The following XKR9 variants were observed in gnomAD, a reference collection of about 807,000 sequenced individuals.
XKR9 encodes XK-related protein 9.
In XKR9, 32 loss-of-function variants were observed where a neutral mutation model predicts 32.0. That is an observed-to-expected ratio of 1.00 (90% CI 0.76 to 1.34). XKR9 has a LOEUF of 1.34. Among genes scored for constraint, XKR9 ranks in the 40% most tolerant of loss-of-function variants. XKR9 has a pLI of 0.00. For missense variants in XKR9, 546 were observed against 429.7 expected, an observed-to-expected ratio of 1.27 and a Z score of -2.39; for synonymous variants, 168 against 143.4, an observed-to-expected ratio of 1.17 and a Z score of -1.22.
chr8:71,011,098 T>A, the XKR9 span, among the ~76,000 whole-genome samples: 2 of 152,212 alleles, frequency 1.3e-5, no homozygotes, highest in African/African-American at 4.8e-5. Context: ...GGAAGGCTGA[T>A]AGGTGGTCTG....
At chr8:70,961,293 C>T in the XKR9 span, among the ~76,000 whole-genome samples, 1 of 152,150 alleles carries the variant, frequency 6.6e-6, no homozygotes, top group African/African-American at 2.4e-5. Context: ...TCTCTAATAC[C>T]ATGGGCCTCT....
chr8:70,781,550 CAAA>C (rs371263868), intron 2 of XKR9, among the ~76,000 whole-genome samples: 2 of 137,074 alleles, frequency 1.5e-5, no homozygotes. Flanking sequence ...ACCCCATCTC[CAAA>C]AAAAAAAAAA....
chr8:70,986,935 G>A, the XKR9 span, among the ~76,000 whole-genome samples: 2 of 152,198 alleles, frequency 1.3e-5, no homozygotes, highest in Non-Finnish European at 2.9e-5. Flanking sequence ...GGAGGAACAA[G>A]TCTTGTCTTA....
the XKR9 span, among the ~76,000 whole-genome samples, chr8:70,905,053 AT>A: frequency 6.6e-6 from 1 of 151,844 alleles, no homozygotes; most frequent in African/African-American, 2.4e-5. Flanking sequence ...TGCCCTTAAC[AT>A]TTTTTCCTTC....
At chr8:70,755,433 C>G (rs1297068288) in intron 2 of XKR9, among the ~76,000 whole-genome samples, 1 of 152,166 alleles carries the variant, frequency 6.6e-6, no homozygotes, top group East Asian at 1.9e-4. Flanking sequence ...GACTATAAAT[C>G]ATGCTGTTAT....
At chr8:70,825,138 T>G in the XKR9 span, among the ~76,000 whole-genome samples, 1 of 152,090 alleles carries the variant, frequency 6.6e-6, no homozygotes, top group Non-Finnish European at 1.5e-5. Flanking sequence ...TTCTAGAAGT[T>G]CACTTTCCTC....
At chr8:70,730,319 A>G (rs1806622044) in intron 4 of XKR9, among the ~76,000 whole-genome samples, 2 of 152,154 alleles carry the variant, frequency 1.3e-5, no homozygotes, top group South Asian at 4.1e-4. Context: ...TTATAAATCT[A>G]TGTAGTTTAA....
At chr8:70,914,988 G>C in the XKR9 span, among the ~76,000 whole-genome samples, 4 of 152,090 alleles carry the variant, frequency 2.6e-5, no homozygotes, top group African/African-American at 9.7e-5. Flanking sequence ...AGGCTCAAAG[G>C]TTGGGTTTTT....
At position 70,734,718 on chromosome 8, in the gene XKR9, C is replaced by T. The variant is rs1156715764; in HGVS notation, c.*294C>T. 4.6e-6 allele frequency: 1 copy of T among 215,284 alleles called. No individual in the cohort carries two copies. Among genetic ancestry groups the T allele is most frequent in the South Asian group, 9.1e-5 (1 of 10,946 alleles). 13.3% of individuals were successfully genotyped at this position (215,284 alleles called of 1,614,324 possible). The stretch of plus-strand genomic sequence containing the variant: ...AGAAGGCTGGAATTGAGCTTCCCTC[C>T]CATTTTCCTTGTTCCTGAACTAATA... On this transcript the variant is annotated 3_prime_UTR_variant, in exon 5 of 5. Transcript: ENST00000408926.
Position 70,749,707 on chromosome 8 carries a change from G to A in XKR9, n.353-39632G>A, listed in dbSNP as rs183404343. On this transcript the variant is annotated intron_variant and non_coding_transcript_variant, in intron 2 of 3. Transcript: ENST00000520273. ...TGAGTTGAGCGCAGCTTGCCAGGCC[G>A]TTTGGGTGGAACGAACCCAGCAGGT... is the stretch of plus-strand genomic sequence containing the variant. Among the ~76,000 whole-genome samples, 7 of 149,660 alleles carry A rather than the reference G, an allele frequency of 4.7e-5. No homozygotes were observed. The South Asian group carries it at 8.5e-4, about 18-fold the overall frequency.
At chr8:70,674,415 G>A (rs1294126399) in intron 1 of XKR9, among the ~76,000 whole-genome samples, 1 of 152,182 alleles carries the variant, frequency 6.6e-6, no homozygotes, top group Admixed American at 6.5e-5. Flanking sequence ...TGGGAATACA[G>A]ACCAACAATC....
the XKR9 span, among the ~76,000 whole-genome samples, chr8:70,869,474 T>C: frequency 6.6e-6 from 1 of 152,148 alleles, no homozygotes; most frequent in Non-Finnish European, 1.5e-5. Flanking sequence ...CTCATGAGAC[T>C]TATTCACTAT....
At chr8:70,749,696 C>A (rs996258604) in intron 2 of XKR9, among the ~76,000 whole-genome samples, 8 of 152,208 alleles carry the variant, frequency 5.3e-5, no homozygotes, top group African/African-American at 1.9e-4. Context: ...TTGAGCGCAG[C>A]TTGCCAGGCC....
At chr8:70,683,689 T>C (rs1819162225) in intron 3 of XKR9, 2 of 356,910 alleles carry the variant, frequency 5.6e-6, no homozygotes, top group Admixed American at 6.9e-5. Flanking sequence ...GGTTTAGTCA[T>C]GTTGGCCAGG....
At chr8:70,855,172 A>T in the XKR9 span, among the ~76,000 whole-genome samples, 1 of 152,112 alleles carries the variant, frequency 6.6e-6, no homozygotes, top group Non-Finnish European at 1.5e-5. Flanking sequence ...AGATGATCAA[A>T]CTACTCCGAG....
At chr8:70,957,831 A>G in the XKR9 span, among the ~76,000 whole-genome samples, 2 of 115,722 alleles carry the variant, frequency 1.7e-5, no homozygotes, top group Admixed American at 2.6e-4. Context: ...ACTCTTGCCC[A>G]GGCTGGAGTG....
At chr8:70,766,245 T>A (rs1182131005) in intron 2 of XKR9, among the ~76,000 whole-genome samples, 1 of 152,228 alleles carries the variant, frequency 6.6e-6, no homozygotes. Flanking sequence ...GAATATGGAA[T>A]GTTCTTCCAC....
chr8:71,060,301 A>C, the XKR9 span, among the ~76,000 whole-genome samples: 2 of 152,204 alleles, frequency 1.3e-5, no homozygotes, highest in Non-Finnish European at 2.9e-5. Context: ...GAATGGAACT[A>C]TCTGACAGAA....
chr8:70,800,945 T>C, the XKR9 span, among the ~76,000 whole-genome samples: 2 of 151,984 alleles, frequency 1.3e-5, no homozygotes, highest in Non-Finnish European at 2.9e-5. Flanking sequence ...AGTTTGTGTG[T>C]ATAGAGGTGT....
Sources: gnomAD v4.1 joint callset for allele counts (sites outside exome capture counted in the v4.1 genomes callset) on GRCh38, gnomAD v4.1.1 for gene constraint, MANE v1.5 for transcripts, NCBI Gene and HGNC (gene_info 2026-07-23, HGNC 2026-07-21) for gene names.